Variants in ATP2B3 observed in about 807,000 individuals in gnomAD.
The protein encoded by ATP2B3 is plasma membrane calcium-transporting ATPase 3.
In ATP2B3, 12 loss-of-function variants were observed where a neutral mutation model predicts 70.8. That is an observed-to-expected ratio of 0.17 (90% CI 0.11 to 0.27). ATP2B3 has a LOEUF of 0.27. Among genes scored for constraint, ATP2B3 ranks in the 10% least tolerant of loss-of-function variants. The pLI is 1.00. For missense variants in ATP2B3, 858 were observed against 1,118.5 expected, an observed-to-expected ratio of 0.77 and a Z score of 3.32; for synonymous variants, 460 against 497.8, an observed-to-expected ratio of 0.92 and a Z score of 1.01.
intron 21 of ATP2B3, among the ~76,000 whole-genome samples, chrX:153,572,665 G>A (rs970596983): frequency 9.0e-6 from 1 of 111,223 alleles, no homozygotes; most frequent in African/African-American, 3.3e-5. Flanking sequence ...GACTGTGCCG[G>A]CCACAACTTC....
intron 16 of ATP2B3, among the ~76,000 whole-genome samples, chrX:153,557,649 C>A (rs565486919): frequency 8.9e-6 from 1 of 112,047 alleles, no homozygotes; most frequent in Non-Finnish European, 1.9e-5. Context: ...GAGAGGACTG[C>A]GCAGCTTGGC....
chrX:153,565,460 C>G lies in ATP2B3; in HGVS notation c.3342+357C>G, dbSNP rs1048423967. On this transcript the variant is annotated intron_variant, in intron 21 of 21. Transcript: ENST00000263519. Reference sequence around the variant, plus strand: ...GGTGGGAACGGCCCCAGGTCATAGGCAAGTGACAGTATCGGGAAGAGAGGC... The same window carrying G: ...GGTGGGAACGGCCCCAGGTCATAGGGAAGTGACAGTATCGGGAAGAGAGGC... 3.5e-5 allele frequency among the ~76,000 whole-genome samples: 4 copies of G among 112,975 alleles called. No individual in the cohort carries two copies. In the South Asian group the frequency reaches 1.4e-3, roughly 41 times the overall value.
At chrX:153,524,833 T>C (rs944554373) in intron 2 of ATP2B3, among the ~76,000 whole-genome samples, 1 of 111,996 alleles carries the variant, frequency 8.9e-6, no homozygotes. Context: ...CCAGTGGACT[T>C]CAGAACCACT....
intron 2 of ATP2B3, among the ~76,000 whole-genome samples, chrX:153,527,467 A>G (rs1385942569): frequency 1.8e-5 from 2 of 112,599 alleles, no homozygotes; most frequent in Non-Finnish European, 1.9e-5. Flanking sequence ...CAGCTCGCAC[A>G]CCCGCTGTAA....
At chrX:153,555,530 A>G (rs1226579379) in intron 13 of ATP2B3, among the ~76,000 whole-genome samples, 2 of 111,066 alleles carry the variant, frequency 1.8e-5, no homozygotes, top group Non-Finnish European at 3.8e-5. Flanking sequence ...TCTGTCCCCG[A>G]GCCTGAAGAG....
At chrX:153,540,969 C>A (rs2090270624) in intron 3 of ATP2B3, among the ~76,000 whole-genome samples, 1 of 112,341 alleles carries the variant, frequency 8.9e-6, no homozygotes, top group African/African-American at 3.3e-5. Context: ...GCTGGGTCCC[C>A]TCTGTGCCCC....
intron 2 of ATP2B3, among the ~76,000 whole-genome samples, chrX:153,529,285 T>C (rs2090078785): frequency 9.0e-6 from 1 of 111,725 alleles, no homozygotes; most frequent in Non-Finnish European, 1.9e-5. Context: ...CTGGGCAGGA[T>C]ATGGGTGGTG....
chrX:153,556,077 G>A lies in ATP2B3; in HGVS notation c.2087G>A (p.Arg696His), dbSNP rs782459941. Residue 696 changes from arginine (R) to histidine (H), a missense_variant, in exon 14 of 22, where the codon CGT (arginine) becomes CAT (histidine). Physicochemically the swap from Arg to His is conservative, Grantham distance 29 (BLOSUM62 0). This residue lies in a region of ATP2B3 where 242 missense variants were observed against 281.3 expected (regional missense o/e 0.86). Coordinates refer to ENST00000263519, the MANE Select transcript of ATP2B3 (RefSeq NM_001001344.3). ...CCTGAAGCTATCCGAAAATGCCAGC[G>A]TGCTGGCATCACAGTCCGCATGGTG... ...EVPEAIRKCQRAGITVRMVTG... is the reference protein window; with the variant it reads ...EVPEAIRKCQHAGITVRMVTG... 1.7e-5 allele frequency: 20 copies of A among 1,211,236 alleles called. No homozygotes were observed. The highest frequency in any genetic ancestry group is 4.3e-5 in the Admixed American group (2 of 46,022).
rs577943115 is a variant in ATP2B3, at chrX:153,523,516, C to A, written c.-127+4965C>A. Reference sequence around the variant, plus strand: ...GCTTTTTCATCGCACTGCATGGTGTCGCTCACTGCAACCTTGCCAGCATTA... The same window carrying A: ...GCTTTTTCATCGCACTGCATGGTGTAGCTCACTGCAACCTTGCCAGCATTA... On this transcript the variant is annotated intron_variant, in intron 2 of 21. Transcript: ENST00000263519. 3.0e-4 allele frequency among the ~76,000 whole-genome samples: 33 copies of A among 111,582 alleles called. No individual in the cohort carries two copies. In the South Asian group the frequency reaches 0.011, roughly 37 times the overall value.
chrX:153,576,143 G>A (rs1330956345), intron 21 of ATP2B3, among the ~76,000 whole-genome samples: 18 of 111,568 alleles, frequency 1.6e-4, no homozygotes, highest in Non-Finnish European at 1.5e-4. Context: ...CAGTTCCATC[G>A]CCTACTGGAA....
At chrX:153,522,207 T>C (rs1251191894) in intron 2 of ATP2B3, among the ~76,000 whole-genome samples, 1 of 112,746 alleles carries the variant, frequency 8.9e-6, no homozygotes, top group Non-Finnish European at 1.9e-5. Context: ...CACATCTTAT[T>C]GATGTGATGG....
rs782242880 is a variant in ATP2B3 at position 153,557,017 on chromosome X, C to T, written c.2427C>T (p.Phe809=). 15 of 1,178,341 alleles carry T rather than the reference C, an allele frequency of 1.3e-5. No individual in the cohort carries two copies. Among genetic ancestry groups the T allele is most frequent in the South Asian group, 1.1e-4 (6 of 53,109 alleles). The change falls in exon 16 of 22, where the codon TTC becomes TTT. Residue 809 remains phenylalanine, a synonymous_variant. Coordinates refer to ENST00000263519, the MANE Select transcript of ATP2B3 (RefSeq NM_001001344.3). ...GPALKKADVG[F]AMGIAGTDVA... Reference sequence around the variant, plus strand: ...CCCTCAAGAAGGCGGACGTGGGCTTCGCCATGGTAAGCCACCTGGTGCCCG... The same window carrying T: ...CCCTCAAGAAGGCGGACGTGGGCTTTGCCATGGTAAGCCACCTGGTGCCCG...
chrX:153,542,459 C>A lies in ATP2B3; in HGVS notation c.790+11C>A. The A allele has an allele frequency of 8.3e-7, 1 of 1,208,762 alleles. No individual in the cohort carries two copies. Among genetic ancestry groups the A allele is most frequent in the Non-Finnish European group, 1.1e-6 (1 of 894,052 alleles). On this transcript the variant is annotated intron_variant, in intron 6 of 21. Transcript: ENST00000263519. ...CCATGCTGCTCTCAGGTGAGGGCCA[C>A]CCTCCGGGCCAGCCTGGCACCAAGG...
intron 15 of ATP2B3, 87 bp downstream of exon 15, chrX:153,556,505 TC>T: frequency 1.0e-6 from 1 of 960,281 alleles, no homozygotes; most frequent in African/African-American, 1.9e-5. Flanking sequence ...CCCAAACAGG[TC>T]CCCAGGGCCT....
Position 153,569,747 on chromosome X carries a change from G to A in ATP2B3, c.3342+4644G>A. On this transcript the variant is annotated intron_variant, in intron 21 of 21. Coordinates refer to ENST00000263519, the MANE Select transcript of ATP2B3 (RefSeq NM_001001344.3). ...TCTCTCTGCTGCCAATCCTACCAGT[G>A]CTGCTGGGAGTGAGTCTTGACTTCC... is the stretch of plus-strand genomic sequence containing the variant. 3 of 1,210,632 alleles carry A rather than the reference G, an allele frequency of 2.5e-6. No homozygotes were observed. The South Asian group carries it at 5.3e-5, about 21-fold the overall frequency.
rs1165458613 is a variant in ATP2B3 at position 153,556,084 on chromosome X, C to T, written c.2094C>T (p.Gly698=). The T allele has an allele frequency of 8.3e-7, 1 of 1,211,461 alleles. No individual in the cohort carries two copies. Among genetic ancestry groups the T allele is most frequent in the Admixed American group, 2.2e-5 (1 of 46,028 alleles). Residue 698 remains glycine (G), a synonymous_variant, in exon 14 of 22, where the codon GGC becomes GGT. Coordinates refer to ENST00000263519, the MANE Select transcript of ATP2B3 (RefSeq NM_001001344.3). The part of the protein sequence containing the change: ...PEAIRKCQRA[G]ITVRMVTGDN... Reference sequence around the variant, plus strand: ...CTATCCGAAAATGCCAGCGTGCTGGCATCACAGTCCGCATGGTGACTGGGG... The same window carrying T: ...CTATCCGAAAATGCCAGCGTGCTGGTATCACAGTCCGCATGGTGACTGGGG...
At chrX:153,548,375 G>A (rs911542562) in intron 9 of ATP2B3, among the ~76,000 whole-genome samples, 7 of 110,650 alleles carry the variant, frequency 6.3e-5, no homozygotes, top group African/African-American at 2.0e-4. Context: ...CCTCCCCAGC[G>A]GTGCTTCTCC....
rs2124272610 is a variant in ATP2B3 at position 153,517,892 on chromosome X, G to A, written c.-247+17G>A. 1 of 109,018 alleles carries A rather than the reference G, an allele frequency of 9.2e-6. No individual in the cohort carries two copies. Among genetic ancestry groups the A allele is most frequent in the South Asian group, 3.6e-4 (1 of 2,802 alleles). 9.0% of individuals were successfully genotyped at this position (109,018 alleles called of 1,213,427 possible). On this transcript the variant is annotated intron_variant, in intron 1 of 21. Transcript: ENST00000263519. ...CATGCCCGGGTAAGTGGTGCTCTGG[G>A]CGCGCGGGCGCCGCCGGGGTGGGCG...
At chrX:153,572,095 A>G (rs1403968138) in intron 21 of ATP2B3, among the ~76,000 whole-genome samples, 1 of 112,908 alleles carries the variant, frequency 8.9e-6, no homozygotes, top group African/African-American at 3.2e-5. Context: ...GTTGTCCCCA[A>G]GGGCCAGGAC....
Sources: allele counts gnomAD v4.1 joint callset (sites outside exome capture counted in the v4.1 genomes callset), GRCh38; gene constraint gnomAD v4.1.1; regional missense constraint gnomAD v4.1.1; transcripts MANE v1.5; gene names NCBI Gene and HGNC (gene_info 2026-07-23, HGNC 2026-07-21).